ADGRL3: variants seen among roughly 807,000 people sequenced by gnomAD.
ADGRL3 encodes adhesion G protein-coupled receptor L3.
ADGRL3 carries 62 observed loss-of-function variants against 153.5 expected under a neutral mutation model. The observed-to-expected ratio is 0.40, with a 90% CI of 0.33 to 0.50. ADGRL3 has a LOEUF of 0.50. Among genes scored for constraint, ADGRL3 ranks in the 20% least tolerant of loss-of-function variants. ADGRL3 has a pLI of 0.47. For synonymous variants in ADGRL3, 710 were observed against 672.5 expected, an observed-to-expected ratio of 1.06 and a Z score of -0.86; for missense variants, 1,641 against 1,859.4, an observed-to-expected ratio of 0.88 and a Z score of 2.16.
At chr4:61,951,541 G>A (rs2098947301) in intron 17 of ADGRL3, among the ~76,000 whole-genome samples, 1 of 152,176 alleles carries the variant, frequency 6.6e-6, no homozygotes, top group African/African-American at 2.4e-5. Flanking sequence ...CCAATTCTAT[G>A]TGGATGATAG....
At chr4:61,596,858 A>G (rs1325342155) in intron 5 of ADGRL3, among the ~76,000 whole-genome samples, 1 of 152,160 alleles carries the variant, frequency 6.6e-6, no homozygotes, top group Non-Finnish European at 1.5e-5. Context: ...ACCCTGTCTC[A>G]AAAAACTGTT....
intron 9 of ADGRL3, among the ~76,000 whole-genome samples, chr4:61,855,823 G>A (rs987850992): frequency 2.0e-5 from 3 of 151,954 alleles, no homozygotes; most frequent in South Asian, 2.1e-4. Context: ...AGGCTATAGG[G>A]ATATAAACCT....
At chr4:61,701,919 G>A (rs2151317116) in intron 6 of ADGRL3, among the ~76,000 whole-genome samples, 1 of 152,210 alleles carries the variant, frequency 6.6e-6, no homozygotes, top group South Asian at 2.1e-4. Flanking sequence ...AGGCGGTACT[G>A]AGATAAGAGC....
intron 22 of ADGRL3, among the ~76,000 whole-genome samples, chr4:62,029,396 A>T (rs1720730611): frequency 6.6e-6 from 1 of 151,800 alleles, no homozygotes; most frequent in South Asian, 2.1e-4. Context: ...CATATGCAAA[A>T]TTATCCCTTT....
At chr4:61,636,227 TA>T (rs1458215302) in intron 5 of ADGRL3, among the ~76,000 whole-genome samples, 8 of 151,984 alleles carry the variant, frequency 5.3e-5, no homozygotes, top group Non-Finnish European at 1.2e-4. Context: ...TCACATTCAC[TA>T]AAAAAATTAC....
At chr4:61,505,012 G>C (rs1354344625) in intron 3 of ADGRL3, among the ~76,000 whole-genome samples, 2 of 151,930 alleles carry the variant, frequency 1.3e-5, no homozygotes, top group African/African-American at 4.8e-5. Flanking sequence ...AGTTCTTTTA[G>C]TCTTTTGAGG....
At chr4:61,739,457 C>T (rs1355030564) in intron 8 of ADGRL3, among the ~76,000 whole-genome samples, 1 of 152,144 alleles carries the variant, frequency 6.6e-6, no homozygotes, top group Non-Finnish European at 1.5e-5. Flanking sequence ...TCCCAAAGTG[C>T]TGGGATTTCA....
intron 2 of ADGRL3, among the ~76,000 whole-genome samples, chr4:61,389,334 G>A (rs902191619): frequency 2.6e-5 from 4 of 152,168 alleles, no homozygotes; most frequent in East Asian, 1.9e-4. Flanking sequence ...GGAATGAGTC[G>A]CAGGTTTGAA....
At chr4:61,589,365 C>G (rs954519102) in intron 5 of ADGRL3, among the ~76,000 whole-genome samples, 13 of 151,984 alleles carry the variant, frequency 8.6e-5, no homozygotes, top group African/African-American at 3.1e-4. Context: ...TTGTAAGCTC[C>G]CAAGAGGCAC....
rs147641896 is a variant in ADGRL3 at position 62,023,162 on chromosome 4, T to G, written c.3396-5693T>G. Among the ~76,000 whole-genome samples, 401 of 152,240 alleles carry G rather than the reference T, an allele frequency of 2.6e-3. 3 individuals are homozygous for G. Among genetic ancestry groups the G allele is most frequent in the African/African-American group, 9.0e-3 (374 of 41,570 alleles). ...TGGAAGAATTTGAGTCCAACCCTTG[T>G]GGGTGAATGAGGAGTTCAAGACTTT... On this transcript the variant is annotated intron_variant, in intron 21 of 26. Coordinates refer to ENST00000683033, the MANE Select transcript of ADGRL3 (RefSeq NM_001387552.1).
At chr4:62,063,330 A>C (rs766696750) in intron 25 of ADGRL3, among the ~76,000 whole-genome samples, 1 of 152,102 alleles carries the variant, frequency 6.6e-6, no homozygotes, top group East Asian at 1.9e-4. Context: ...AGATATGTGC[A>C]TTGTTGGAAA....
At chr4:61,517,621 C>G in intron 4 of ADGRL3, 103 bp downstream of exon 4, 1 of 654,994 alleles carries the variant, frequency 1.5e-6, no homozygotes, top group Admixed American at 2.2e-5. Context: ...TGTAAGTTTA[C>G]TGTCTGCATT....
chr4:61,827,746 G>A (rs549453612), intron 9 of ADGRL3, among the ~76,000 whole-genome samples: 10 of 152,258 alleles, frequency 6.6e-5, no homozygotes, highest in African/African-American at 2.2e-4. Flanking sequence ...GAAATTCCTT[G>A]ATTTCTAATT....
rs541916419 is a variant in ADGRL3, at chr4:61,960,001, C to T, written c.2805+11725C>T. ...AATGTATTTATTTAAGGAAAAACTA[C>T]ATAACTTGCATGTTGAGTACCTCAA... On this transcript the variant is annotated intron_variant, in intron 17 of 26. Transcript: ENST00000683033. Among the ~76,000 whole-genome samples, 5 of 152,204 alleles carry T rather than the reference C, an allele frequency of 3.3e-5. No individual in the cohort carries two copies. In the East Asian group the frequency reaches 7.7e-4, roughly 23 times the overall value.
intron 8 of ADGRL3, among the ~76,000 whole-genome samples, chr4:61,756,630 G>T (rs2152115008): frequency 6.6e-6 from 1 of 152,164 alleles, no homozygotes; most frequent in Admixed American, 6.5e-5. Context: ...TTGCCTGATT[G>T]CCCTGGCCAG....
intron 6 of ADGRL3, among the ~76,000 whole-genome samples, chr4:61,714,375 AAC>A (rs536622577): frequency 0.016 from 2,310 of 147,190 alleles, 111 homozygotes; most frequent in Admixed American, 0.092. Flanking sequence ...CACACACACA[AAC>A]ACACACACAC....
intron 3 of ADGRL3, among the ~76,000 whole-genome samples, chr4:61,511,743 G>A (rs2098464538): frequency 6.6e-6 from 1 of 152,056 alleles, no homozygotes; most frequent in African/African-American, 2.4e-5. Flanking sequence ...CATGATACAC[G>A]GGAGGACAAT....
intron 9 of ADGRL3, among the ~76,000 whole-genome samples, chr4:61,855,103 T>G (rs2098248237): frequency 6.6e-6 from 1 of 152,178 alleles, no homozygotes; most frequent in African/African-American, 2.4e-5. Flanking sequence ...TGAGGAAAAA[T>G]TAATGAAATT....
Position 61,506,950 on chromosome 4 carries a change from C to G in ADGRL3, c.55+9602C>G, listed in dbSNP as rs192223850. On this transcript the variant is annotated intron_variant, in intron 3 of 26. Coordinates refer to ENST00000683033, the MANE Select transcript of ADGRL3 (RefSeq NM_001387552.1). Reference sequence around the variant, plus strand: ...TAAAAACGTAAAAATAAAAAAAACCCTCTGTATTTATAAAAGAACAAATAG... The same window carrying G: ...TAAAAACGTAAAAATAAAAAAAACCGTCTGTATTTATAAAAGAACAAATAG... 9.0e-4 allele frequency among the ~76,000 whole-genome samples: 137 copies of G among 152,058 alleles called. 2 individuals are homozygous for G. The highest frequency in any genetic ancestry group is 4.6e-3 in the Admixed American group (70 of 15,268).
Sources: gnomAD v4.1 joint callset for allele counts (sites outside exome capture counted in the v4.1 genomes callset) on GRCh38, gnomAD v4.1.1 for gene constraint, MANE v1.5 for transcripts, NCBI Gene and HGNC (gene_info 2026-07-23, HGNC 2026-07-21) for gene names.